The following GMDS variants were observed in gnomAD, a reference collection of about 807,000 sequenced individuals.
GMDS encodes the protein GDP-mannose 4,6-dehydratase, also known as GDP-mannose 4,6 dehydratase.
GMDS carries 20 observed loss-of-function variants against 49.9 expected under a neutral mutation model. The ratio of observed to expected loss-of-function variants is 0.40; its 90% CI spans 0.28 to 0.58. The LOEUF is 0.58. Among genes scored for constraint, GMDS ranks in the 20% least tolerant of loss-of-function variants. The pLI, the probability that GMDS is intolerant of heterozygous loss-of-function variation, is 0.42. For missense variants in GMDS, 362 were observed against 481.4 expected (o/e 0.75, Z 2.32); for synonymous variants, 177 against 178.6 (o/e 0.99, Z 0.07).
chr6:1,748,550 G>C lies in GMDS; in HGVS notation c.772-5964C>G, dbSNP rs553953526. Among the ~76,000 whole-genome samples, 34 of 152,204 alleles carry C rather than the reference G, an allele frequency of 2.2e-4. No individual in the cohort carries two copies. The East Asian group carries it at 2.7e-3, about 12-fold the overall frequency. ...TCCATACTTTTCCTGTTTACTACCA[G>C]GTTGCTTTTTATCTTTTTGTGACTT... is the stretch of plus-strand genomic sequence containing the variant. On this transcript the variant is annotated intron_variant, in intron 7 of 10. Coordinates refer to ENST00000380815, the MANE Select transcript of GMDS (RefSeq NM_001500.4).
chr6:2,096,842 T>C (rs974067381), intron 4 of GMDS, among the ~76,000 whole-genome samples: 1 of 152,186 alleles, frequency 6.6e-6, no homozygotes, highest in Non-Finnish European at 1.5e-5. Flanking sequence ...CACATGACTT[T>C]ATATTTTAGT....
At chr6:2,139,751 CAGA>C (rs1404908637) in intron 1 of GMDS, among the ~76,000 whole-genome samples, 1 of 152,118 alleles carries the variant, frequency 6.6e-6, no homozygotes, top group Admixed American at 6.6e-5. Context: ...TCCACACCGC[CAGA>C]AGTTCAACAA....
At chr6:2,197,806 C>A (rs1034680731) in intron 1 of GMDS, among the ~76,000 whole-genome samples, 1 of 152,128 alleles carries the variant, frequency 6.6e-6, no homozygotes, top group Non-Finnish European at 1.5e-5. Context: ...AAGGAAGACA[C>A]CCCTCTCATG....
In GMDS at chr6:2,168,156, T is replaced by C. The variant is rs199687296; in HGVS notation, c.103-43425A>G. ...CCTTCCATCTTTATTGTTTCTACATTTGCCTGCTCTTTCCCTTCCTTCCTC... is the reference window on the plus strand; with the variant it reads ...CCTTCCATCTTTATTGTTTCTACATCTGCCTGCTCTTTCCCTTCCTTCCTC... On this transcript the variant is annotated intron_variant, in intron 1 of 10. Transcript: ENST00000380815. Among the ~76,000 whole-genome samples, 8 of 152,252 alleles carry C rather than the reference T, an allele frequency of 5.3e-5. No homozygotes were observed. The East Asian group carries it at 1.5e-3, about 29-fold the overall frequency.
chr6:1,664,201 A>C (rs892164226), intron 9 of GMDS, among the ~76,000 whole-genome samples: 4 of 152,148 alleles, frequency 2.6e-5, no homozygotes, highest in African/African-American at 9.7e-5. Context: ...AATCTTTATC[A>C]TTTCTCTGTA....
chr6:2,094,656 AG>A (rs1410640176), intron 4 of GMDS, among the ~76,000 whole-genome samples: 3 of 152,298 alleles, frequency 2.0e-5, no homozygotes, highest in Non-Finnish European at 2.9e-5. Flanking sequence ...GGTGCAGTTT[AG>A]GGGTTGAGGG....
chr6:1,877,676 C>T (rs1452651271), intron 7 of GMDS, among the ~76,000 whole-genome samples: 2 of 144,898 alleles, frequency 1.4e-5, no homozygotes, highest in African/African-American at 2.5e-5. Context: ...AAGACAGGTC[C>T]AATACAGGTT....
intron 7 of GMDS, among the ~76,000 whole-genome samples, chr6:1,892,545 A>T (rs1043409948): frequency 6.6e-6 from 1 of 151,992 alleles, no homozygotes; most frequent in Non-Finnish European, 1.5e-5. Flanking sequence ...TTTTAGTAGA[A>T]ATGGGGTTTC....
chr6:1,802,095 T>G (rs1204623744), intron 7 of GMDS, among the ~76,000 whole-genome samples: 1 of 152,220 alleles, frequency 6.6e-6, no homozygotes, highest in Admixed American at 6.5e-5. Flanking sequence ...AAAACGGAGA[T>G]GCAGTACCAC....
chr6:2,056,649 C>T (rs913092778), intron 4 of GMDS, among the ~76,000 whole-genome samples: 6 of 152,188 alleles, frequency 3.9e-5, no homozygotes, highest in African/African-American at 1.4e-4. Flanking sequence ...GACTTACTAA[C>T]TCAAAATCTC....
intron 2 of GMDS, among the ~76,000 whole-genome samples, chr6:2,118,756 G>A (rs1774982488): frequency 6.6e-6 from 1 of 152,120 alleles, no homozygotes; most frequent in Admixed American, 6.5e-5. Context: ...AATATTTTAG[G>A]AAAGGAACTT....
chr6:1,787,446 G>C (rs1378559260), intron 7 of GMDS, among the ~76,000 whole-genome samples: 2 of 152,158 alleles, frequency 1.3e-5, no homozygotes, highest in Non-Finnish European at 2.9e-5. Flanking sequence ...TTCACTATCG[G>C]TGTTCAGGCC....
At chr6:2,074,961 T>C (rs878879508) in intron 4 of GMDS, among the ~76,000 whole-genome samples, 2 of 152,216 alleles carry the variant, frequency 1.3e-5, no homozygotes, top group Admixed American at 1.3e-4. Flanking sequence ...TATAAGTATG[T>C]AGATTTATTT....
In GMDS at chr6:1,778,104, T is replaced by C. The variant is rs1023419583; in HGVS notation, c.772-35518A>G. Among the ~76,000 whole-genome samples the C allele has an allele frequency of 6.6e-6, 1 of 152,132 alleles. No individual in the cohort carries two copies. The highest frequency in any genetic ancestry group is 1.5e-5 in the Non-Finnish European group (1 of 68,038). On this transcript the variant is annotated intron_variant, in intron 7 of 10. Coordinates refer to ENST00000380815, the MANE Select transcript of GMDS (RefSeq NM_001500.4). This position sits in a 1 kb window ranked among gnomAD's most constrained non-coding sequence, Gnocchi z 4.6. The stretch of plus-strand genomic sequence containing the variant: ...AAAATGGAACTTTGTTTTATTTTGA[T>C]AGAGTGCCAAAACAGTACTGCATTC...
At chr6:1,763,517 A>G (rs141534277) in intron 7 of GMDS, among the ~76,000 whole-genome samples, 54 of 152,362 alleles carry the variant, frequency 3.5e-4, no homozygotes, top group African/African-American at 1.2e-3. Flanking sequence ...AGGTGGACAG[A>G]CATTAAAAAC....
chr6:1,745,074 G>T, intron 7 of GMDS, among the ~76,000 whole-genome samples: 1 of 152,232 alleles, frequency 6.6e-6, no homozygotes, highest in East Asian at 1.9e-4. Context: ...CCTATGGCTA[G>T]AATTCCTATC....
chr6:1,690,890 G>A (rs988179893), intron 9 of GMDS, among the ~76,000 whole-genome samples: 3 of 152,192 alleles, frequency 2.0e-5, no homozygotes, highest in Admixed American at 2.0e-4. Flanking sequence ...GAGAGATAGG[G>A]ACGCTTTTAC....
At chr6:2,037,897 TA>T (rs1235015870) in intron 4 of GMDS, among the ~76,000 whole-genome samples, 3 of 152,150 alleles carry the variant, frequency 2.0e-5, no homozygotes, top group East Asian at 3.9e-4. Context: ...GCGGTAAAAA[TA>T]AATAAATAAA....
intron 7 of GMDS, among the ~76,000 whole-genome samples, chr6:1,911,207 A>G (rs1320137418): frequency 6.6e-6 from 1 of 152,234 alleles, no homozygotes; most frequent in Admixed American, 6.5e-5. Context: ...AGAGCTGGGG[A>G]AACTGTCTCC....
Sources: allele counts gnomAD v4.1 joint callset (sites outside exome capture counted in the v4.1 genomes callset), GRCh38; gene constraint gnomAD v4.1.1; non-coding constraint Gnocchi (gnomAD v3.1); transcripts MANE v1.5; gene names NCBI Gene and HGNC (gene_info 2026-07-23, HGNC 2026-07-21).